NBAS: variants seen among roughly 807,000 people sequenced by gnomAD.
The protein encoded by NBAS is NBAS subunit of NRZ tethering complex, also known as NAG/BC035112 fusion.
Under a neutral mutation model 302.5 loss-of-function variants are expected in NBAS, and 219 were observed. The ratio of observed to expected loss-of-function variants is 0.72; its 90% CI spans 0.65 to 0.81. The LOEUF (loss-of-function observed/expected upper bound fraction) is 0.81, where lower values mean the gene tolerates loss of function less well. Ranked by LOEUF, NBAS falls within the 30% of genes least tolerant of loss-of-function variation. The probability of loss-of-function intolerance (pLI) is 0.00; values close to 1 mark genes in which losing one functional copy is unlikely to be tolerated. For missense variants in NBAS, 2,932 were observed against 2,841.6 expected (o/e 1.03, Z -0.72); for synonymous variants, 1,118 against 1,021.6 (o/e 1.09, Z -1.80).
At chr2:15,512,892 C>A (rs938145985) in intron 9 of NBAS, among the ~76,000 whole-genome samples, 3 of 152,002 alleles carry the variant, frequency 2.0e-5, no homozygotes, top group Non-Finnish European at 4.4e-5. Flanking sequence ...GAATATATAC[C>A]TTTTTTCTTT....
At chr2:15,284,943 C>CAT (rs1240938585) in intron 42 of NBAS, among the ~76,000 whole-genome samples, 1 of 152,188 alleles carries the variant, frequency 6.6e-6, no homozygotes, top group Non-Finnish European at 1.5e-5. Context: ...AACAGCCTTG[C>CAT]ACATCACTCG....
the NBAS span, among the ~76,000 whole-genome samples, chr2:15,004,667 ATT>A: frequency 1.7e-3 from 177 of 105,428 alleles, no homozygotes; most frequent in African/African-American, 6.2e-3. Flanking sequence ...CTCCCAGCTG[ATT>A]TTTTTTTTTT....
chr2:15,130,069 A>C, the NBAS span, among the ~76,000 whole-genome samples: 1 of 152,248 alleles, frequency 6.6e-6, no homozygotes, highest in African/African-American at 2.4e-5. Context: ...TCACTCTTCA[A>C]CCCTGCCAAC....
At chr2:15,203,742 T>G (rs1167237735) in intron 48 of NBAS, among the ~76,000 whole-genome samples, 1 of 152,066 alleles carries the variant, frequency 6.6e-6, no homozygotes, top group Non-Finnish European at 1.5e-5. Context: ...ATTTCACATA[T>G]TCAAAAAAGA....
chr2:15,310,091 C>T (rs1671208624), intron 38 of NBAS, among the ~76,000 whole-genome samples: 1 of 152,206 alleles, frequency 6.6e-6, no homozygotes, highest in Admixed American at 6.5e-5. Flanking sequence ...AAATGCACCA[C>T]ATGATTTTTC....
the NBAS span, among the ~76,000 whole-genome samples, chr2:15,106,445 G>GTCTC: frequency 2.8e-5 from 2 of 70,504 alleles, no homozygotes; most frequent in African/African-American, 4.7e-5. Flanking sequence ...CTCTATCTCT[G>GTCTC]TCTCTGTCTC....
At chr2:15,165,391 C>T (rs566520968), downstream of NBAS, among the ~76,000 whole-genome samples, 5 of 152,282 alleles carry the variant, frequency 3.3e-5, no homozygotes, top group South Asian at 1.0e-3. Flanking sequence ...CTTGTGCAGG[C>T]CATTCCCAAA....
chr2:15,229,347 CAAAAAAAAAAAAAAAA>C (rs61152926), intron 47 of NBAS, among the ~76,000 whole-genome samples: 3 of 76,870 alleles, frequency 3.9e-5, no homozygotes, highest in Non-Finnish European at 8.1e-5. Flanking sequence ...TCTCAAAAAA[CAAAAAAAAAAAAAAAA>C]AAAAAAAAAA....
At chr2:15,287,474 A>G (rs1001923150) in intron 41 of NBAS, among the ~76,000 whole-genome samples, 3 of 152,196 alleles carry the variant, frequency 2.0e-5, no homozygotes, top group African/African-American at 4.8e-5. Flanking sequence ...CATTGTGAGC[A>G]TAAAAAGTGG....
the NBAS span, among the ~76,000 whole-genome samples, chr2:14,801,849 G>A: frequency 2.4e-3 from 369 of 151,350 alleles, 2 homozygotes; most frequent in South Asian, 5.4e-3. Flanking sequence ...CATGTCCTTC[G>A]CCCACTTTTT....
chr2:15,240,446 C>CAAAAAAAAAA (rs1175235771), intron 44 of NBAS, among the ~76,000 whole-genome samples: 14 of 75,242 alleles, frequency 1.9e-4, no homozygotes, highest in Non-Finnish European at 2.5e-4. Flanking sequence ...ACTAAAAATA[C>CAAAAAAAAAA]AAAAAAAAAA....
chr2:15,056,905 T>C, the NBAS span, among the ~76,000 whole-genome samples: 2 of 150,774 alleles, frequency 1.3e-5, no homozygotes, highest in Non-Finnish European at 1.5e-5. Context: ...CTCAGCTCAC[T>C]GCAACTTTCG....
At chr2:15,139,777 A>AT in the NBAS span, among the ~76,000 whole-genome samples, 21 of 152,106 alleles carry the variant, frequency 1.4e-4, no homozygotes, top group South Asian at 1.5e-3. Flanking sequence ...CATTGGTTCC[A>AT]TTTTTTCTCC....
the NBAS span, among the ~76,000 whole-genome samples, chr2:15,119,171 G>A: frequency 6.2e-4 from 94 of 152,128 alleles, no homozygotes; most frequent in African/African-American, 2.0e-3. Context: ...CACTGAGCAG[G>A]GAGAGAGGGA....
At position 15,426,311 on chromosome 2, in the gene NBAS, T is replaced by C. The variant is rs1035287968; in HGVS notation, c.2423+1400A>G. On this transcript the variant is annotated intron_variant, in intron 22 of 51. Coordinates refer to ENST00000281513, the MANE Select transcript of NBAS (RefSeq NM_015909.4). ...TCTCTTCACAAGACTGTATCCCTAA[T>C]ATTCTGGAAGGTCATGGTGGTATGC... is the stretch of plus-strand genomic sequence containing the variant. Among the ~76,000 whole-genome samples the C allele has an allele frequency of 9.9e-5, 15 of 152,212 alleles. 1 individual carries two copies. Among genetic ancestry groups the C allele is most frequent in the African/African-American group, 3.6e-4 (15 of 41,444 alleles).
chr2:15,308,396 T>C (rs759838492), intron 39 of NBAS, 43 bp from the exon 40 acceptor site: 2 of 1,604,048 alleles, frequency 1.2e-6, no homozygotes, highest in Non-Finnish European at 1.7e-6. Context: ...GAAAGGAAAT[T>C]ATGAAGATCA....
At chr2:15,098,494 A>AT in the NBAS span, among the ~76,000 whole-genome samples, 1 of 100,608 alleles carries the variant, frequency 9.9e-6, no homozygotes, top group African/African-American at 4.5e-5. Context: ...TATTGTATAT[A>AT]ATATGTTATA....
At chr2:15,212,371 C>T (rs1004614303) in intron 48 of NBAS, among the ~76,000 whole-genome samples, 3 of 152,176 alleles carry the variant, frequency 2.0e-5, no homozygotes, top group Admixed American at 6.5e-5. Flanking sequence ...GCATGATACT[C>T]GCGGCTCTCC....
chr2:15,224,761 G>A (rs1393467107), intron 47 of NBAS, among the ~76,000 whole-genome samples: 1 of 152,132 alleles, frequency 6.6e-6, no homozygotes, highest in African/African-American at 2.4e-5. Flanking sequence ...AGGAAGGGAG[G>A]GGTATATACA....
Sources: gnomAD v4.1 joint callset for allele counts (sites outside exome capture counted in the v4.1 genomes callset) on GRCh38, gnomAD v4.1.1 for gene constraint, MANE v1.5 for transcripts, NCBI Gene and HGNC (gene_info 2026-07-23, HGNC 2026-07-21) for gene names.